Variants in MGAT5 observed in about 807,000 individuals in gnomAD.
The protein encoded by MGAT5 is alpha-1,6-mannosylglycoprotein 6-beta-N-acetylglucosaminyltransferase A.
In MGAT5, 30 loss-of-function variants were observed where a neutral mutation model predicts 94.3. The observed-to-expected ratio is 0.32, with a 90% CI of 0.24 to 0.43. The LOEUF is 0.43. MGAT5 is among the 20% of genes least tolerant of loss of function. MGAT5 has a pLI of 1.00. For synonymous variants in MGAT5, 310 were observed against 322.9 expected (o/e 0.96, Z 0.43); for missense variants, 691 against 905.5 (o/e 0.76, Z 3.04).
chr2:134,291,027 A>G (rs920920057), intron 2 of MGAT5, among the ~76,000 whole-genome samples: 5 of 152,208 alleles, frequency 3.3e-5, no homozygotes, highest in Admixed American at 2.0e-4. Context: ...GAGACTGGCC[A>G]TAGACAGTTT....
intron 6 of MGAT5, 105 bp from the exon 7 acceptor site, chr2:134,341,485 A>G (rs552515644): frequency 1.1e-6 from 1 of 899,270 alleles, no homozygotes. Flanking sequence ...TGATTTTGTT[A>G]GGATGTAAAC....
chr2:134,136,350 TGA>T (rs1686411109), intron 1 of MGAT5, among the ~76,000 whole-genome samples: 1 of 152,172 alleles, frequency 6.6e-6, no homozygotes, highest in Non-Finnish European at 1.5e-5. Context: ...GCGGACCACT[TGA>T]GGCCAGGAGT....
chr2:134,293,464 TA>T (rs1297689402), intron 2 of MGAT5, among the ~76,000 whole-genome samples: 1 of 151,108 alleles, frequency 6.6e-6, no homozygotes, highest in Non-Finnish European at 1.5e-5. Context: ...TTCTTTGCTT[TA>T]TTTTTTTATT....
intron 1 of MGAT5, among the ~76,000 whole-genome samples, chr2:134,163,062 G>A (rs1057172179): frequency 2.6e-5 from 4 of 152,118 alleles, no homozygotes; most frequent in Non-Finnish European, 2.9e-5. Flanking sequence ...AGTGTAAGAC[G>A]TGCCCTGCTC....
In MGAT5 at chr2:134,452,509, A is replaced by C. The variant is rs896909297; in HGVS notation, c.*3662A>C. 2.0e-5 allele frequency: 3 copies of C among 152,234 alleles called. No individual in the cohort carries two copies. The East Asian group carries it at 5.8e-4, about 29-fold the overall frequency. The allele number at this position is 152,234 out of a possible 1,614,324, so 9.4% of individuals were successfully genotyped here. A position where few individuals can be genotyped will look rare whatever the true frequency, so the allele number is the denominator to read the frequency against. On this transcript the variant is annotated 3_prime_UTR_variant, in exon 16 of 16. Transcript: ENST00000281923. ...CCCCTTTGGGAGTGGAGCCCAGTGC[A>C]GCTCACTGACAGGGTTGACATCAGT...
chr2:134,286,710 G>A (rs1002596546), intron 2 of MGAT5, among the ~76,000 whole-genome samples: 1 of 152,126 alleles, frequency 6.6e-6, no homozygotes. Flanking sequence ...GAGCCACCGC[G>A]CCCAACTGAG....
intron 9 of MGAT5, among the ~76,000 whole-genome samples, chr2:134,353,642 G>A (rs1260182294): frequency 6.6e-6 from 1 of 152,102 alleles, no homozygotes. Flanking sequence ...CATTAATTAT[G>A]GAGAAATCAC....
intron 2 of MGAT5, among the ~76,000 whole-genome samples, chr2:134,270,878 G>A (rs530716328): frequency 6.6e-6 from 1 of 152,284 alleles, no homozygotes; most frequent in South Asian, 2.1e-4. Flanking sequence ...GCCTTTTAGA[G>A]TTCTTCCTCC....
chr2:134,416,930 AT>A (rs1448738542), intron 12 of MGAT5, among the ~76,000 whole-genome samples: 13 of 151,932 alleles, frequency 8.6e-5, no homozygotes, highest in East Asian at 7.8e-4. Flanking sequence ...TATGAAAAAA[AT>A]ATATATATTT....
At chr2:134,130,844 G>C (rs569497004) in intron 1 of MGAT5, among the ~76,000 whole-genome samples, 4 of 152,182 alleles carry the variant, frequency 2.6e-5, no homozygotes, top group African/African-American at 9.6e-5. Context: ...TAATCTAGTG[G>C]GGACTTGGAG....
At chr2:134,263,269 C>T (rs1410472940) in intron 1 of MGAT5, among the ~76,000 whole-genome samples, 1 of 152,196 alleles carries the variant, frequency 6.6e-6, no homozygotes, top group African/African-American at 2.4e-5. Context: ...CAAAGAATAG[C>T]TTAAGAACTC....
intron 9 of MGAT5, among the ~76,000 whole-genome samples, chr2:134,360,928 G>A (rs1680048340): frequency 6.6e-6 from 1 of 152,186 alleles, no homozygotes; most frequent in African/African-American, 2.4e-5. Context: ...TCAGGCAAAA[G>A]CCTGGGAAAC....
chr2:134,330,932 T>G (rs1408139315), intron 4 of MGAT5, among the ~76,000 whole-genome samples: 3 of 152,188 alleles, frequency 2.0e-5, no homozygotes, highest in African/African-American at 7.2e-5. Context: ...ACTAAGAGTT[T>G]TGCCATATTA....
intron 10 of MGAT5, among the ~76,000 whole-genome samples, chr2:134,381,429 G>GATAGATAGATAGATAT (rs1681601607): frequency 6.7e-6 from 1 of 148,474 alleles, no homozygotes; most frequent in African/African-American, 2.5e-5. Flanking sequence ...TAGATAGATA[G>GATAGATAGATAGATAT]ATAGCCTGGG....
At chr2:134,255,478 C>T (rs1682887527) in intron 1 of MGAT5, among the ~76,000 whole-genome samples, 1 of 144,456 alleles carries the variant, frequency 6.9e-6, no homozygotes, top group South Asian at 2.1e-4. Context: ...CATATATATA[C>T]ATATATACAT....
At chr2:134,441,727 C>T (rs1685496308) in intron 14 of MGAT5, 31 bp from the exon 15 acceptor site, 1 of 1,595,208 alleles carries the variant, frequency 6.3e-7, no homozygotes, top group Non-Finnish European at 8.6e-7. Context: ...TATCCTTGGA[C>T]CTGTGGCTGA....
chr2:134,398,425 T>C (rs1682835100), intron 10 of MGAT5, among the ~76,000 whole-genome samples: 1 of 152,118 alleles, frequency 6.6e-6, no homozygotes, highest in Non-Finnish European at 1.5e-5. Flanking sequence ...GGAGCCAACT[T>C]TGGGCTGAGC....
chr2:134,396,481 G>C (rs778390143), intron 10 of MGAT5, among the ~76,000 whole-genome samples: 4 of 152,056 alleles, frequency 2.6e-5, no homozygotes, highest in Non-Finnish European at 5.9e-5. Context: ...AGTGAATGTG[G>C]TACTTAGGAG....
At chr2:134,204,176 T>TGGTG (rs1329235668) in intron 1 of MGAT5, among the ~76,000 whole-genome samples, 1 of 152,236 alleles carries the variant, frequency 6.6e-6, no homozygotes, top group Non-Finnish European at 1.5e-5. Flanking sequence ...TCATGCATCC[T>TGGTG]GGTGATTCCC....
Sources: gnomAD v4.1 joint callset for allele counts (sites outside exome capture counted in the v4.1 genomes callset) on GRCh38, gnomAD v4.1.1 for gene constraint, MANE v1.5 for transcripts, NCBI Gene and HGNC (gene_info 2026-07-23, HGNC 2026-07-21) for gene names.